LPA: variants seen among roughly 807,000 people sequenced by gnomAD.
The protein encoded by LPA is apolipoprotein(a).
Under a neutral mutation model 197.9 loss-of-function variants are expected in LPA, and 199 were observed. That is an observed-to-expected ratio of 1.01 (90% CI 0.90 to 1.13). LPA has a LOEUF of 1.13. Ranked by LOEUF, LPA falls within the 50% of genes most tolerant of loss-of-function variation. LPA has a pLI of 0.00. For missense variants in LPA, 1,853 were observed against 1,785.8 expected (o/e 1.04, Z -0.68); for synonymous variants, 715 against 639.5 (o/e 1.12, Z -1.78).
At chr6:160,626,454 G>GTA (rs1779652649) in intron 10 of LPA, among the ~76,000 whole-genome samples, 2 of 113,808 alleles carry the variant, frequency 1.8e-5, no homozygotes, top group African/African-American at 8.9e-5. Context: ...TTCAGTTTGT[G>GTA]TGTGTGTGTG....
At chr6:160,657,110 G>T (rs907265186) in intron 1 of LPA, among the ~76,000 whole-genome samples, 3 of 152,180 alleles carry the variant, frequency 2.0e-5, no homozygotes, top group Non-Finnish European at 2.9e-5. Flanking sequence ...GAGTGACTGT[G>T]GTTCCTACTG....
chr6:160,631,829 T>C (rs1779690410), intron 8 of LPA, among the ~76,000 whole-genome samples: 2 of 151,902 alleles, frequency 1.3e-5, no homozygotes, highest in Admixed American at 1.3e-4. Context: ...CCTTGCTCTT[T>C]ACTGTGACTT....
rs1334060301 is a variant in LPA, at chr6:160,540,178, G to A, written c.5600C>T (p.Ser1867Leu). 6.2e-7 allele frequency: 1 copy of A among 1,614,130 alleles called. No homozygotes were observed. Among genetic ancestry groups the A allele is most frequent in the Non-Finnish European group, 8.5e-7 (1 of 1,180,016 alleles). Residue 1867 changes from serine (S) to leucine (L), a missense_variant, in exon 36 of 39, where the codon TCA (serine) becomes TTA (leucine). Around this residue, in one of 3 missense-constraint regions of LPA, gnomAD observed 1,737 missense variants for 1,504.4 expected, o/e 1.15. Coordinates refer to ENST00000316300, the MANE Select transcript of LPA (RefSeq NM_005577.4). ...LTAAHCLKKS[S>L]RPSSYKVILG... Reference sequence around the variant, plus strand: ...GATGACCTTGTAGGATGAAGGCCTTGAGGACCTAGAAAAGATGAGGATGTC... The same window carrying A: ...GATGACCTTGTAGGATGAAGGCCTTAAGGACCTAGAAAAGATGAGGATGTC...
At chr6:160,574,019 G>C (rs1466590601) in intron 28 of LPA, among the ~76,000 whole-genome samples, 1 of 152,124 alleles carries the variant, frequency 6.6e-6, no homozygotes. Context: ...CCATCAGTTG[G>C]GGGTGGGACT....
chr6:160,562,147 G>C (rs1351829173), intron 28 of LPA, among the ~76,000 whole-genome samples: 1 of 152,112 alleles, frequency 6.6e-6, no homozygotes. Context: ...TCTTGTGCTG[G>C]TTTTCAAAGG....
rs1015701758 is a variant in LPA, at chr6:160,531,609, T to C, written c.*120A>G. The C allele has an allele frequency of 2.5e-5, 35 of 1,382,968 alleles. No homozygotes were observed. In the South Asian group the frequency reaches 3.2e-4, roughly 13 times the overall value. The allele number at this position is 1,382,968 out of a possible 1,614,324, so 85.7% of individuals were successfully genotyped here. A position where few individuals can be genotyped will look rare whatever the true frequency, so the allele number is the denominator to read the frequency against. ...ATACCAAAAATGCCAAGGTTTGGCA[T>C]AGCTGGTAGCTGGGAACAGTGTCTT... On this transcript the variant is annotated 3_prime_UTR_variant, in exon 39 of 39. Coordinates refer to ENST00000316300, the MANE Select transcript of LPA (RefSeq NM_005577.4).
intron 30 of LPA, among the ~76,000 whole-genome samples, chr6:160,550,043 A>G (rs1778143296): frequency 6.6e-6 from 1 of 152,210 alleles, no homozygotes; most frequent in Admixed American, 6.5e-5. Flanking sequence ...CAACATGGCA[A>G]AACCCCGTCT....
chr6:160,652,440 C>T (rs1243851224), intron 1 of LPA, among the ~76,000 whole-genome samples: 1 of 152,094 alleles, frequency 6.6e-6, no homozygotes, highest in Non-Finnish European at 1.5e-5. Context: ...TATCTATACT[C>T]AGCAAAATCA....
rs914684324 is a variant in LPA, at chr6:160,603,309, T to A, written c.2945+1737A>T. 3.7e-4 allele frequency among the ~76,000 whole-genome samples: 56 copies of A among 152,052 alleles called. 2 individuals are homozygous for A. The highest frequency in any genetic ancestry group is 2.2e-3 in the Admixed American group (33 of 15,250). ...ATGTGTGAGTATGTGTGTATATGTG[T>A]GTGTCATTTGTGTATGTGTAGCTGG... is the stretch of plus-strand genomic sequence containing the variant. On this transcript the variant is annotated intron_variant, in intron 18 of 38. Coordinates refer to ENST00000316300, the MANE Select transcript of LPA (RefSeq NM_005577.4).
chr6:160,566,797 A>T (rs574217826), intron 28 of LPA, among the ~76,000 whole-genome samples: 2 of 152,346 alleles, frequency 1.3e-5, no homozygotes, highest in Admixed American at 1.3e-4. Context: ...ATGGAGGAAG[A>T]TCTACCAAGC....
In LPA at chr6:160,565,257, C is replaced by T. The variant is rs546397885; in HGVS notation, c.4632-7686G>A. ...GGTCCGTGACCCCCGAGTAGCCTAA[C>T]TGGGGGACACCTCCCAGTAGGGGCC... On this transcript the variant is annotated intron_variant, in intron 28 of 38. Transcript: ENST00000316300. Among the ~76,000 whole-genome samples, 3 of 152,308 alleles carry T rather than the reference C, an allele frequency of 2.0e-5. No homozygotes were observed. In the South Asian group the frequency reaches 6.2e-4, roughly 32 times the overall value.
At chr6:160,650,604 T>G in intron 1 of LPA, 107 bp from the exon 2 acceptor site, 1 of 1,092,520 alleles carries the variant, frequency 9.2e-7, no homozygotes, top group Non-Finnish European at 1.4e-6. Context: ...TTACGACCAT[T>G]CTCTTCTCTT....
At chr6:160,568,087 C>T (rs1778492173) in intron 28 of LPA, among the ~76,000 whole-genome samples, 1 of 152,220 alleles carries the variant, frequency 6.6e-6, no homozygotes, top group East Asian at 1.9e-4. Flanking sequence ...ACCAATTCTT[C>T]TGAAACTATT....
chr6:160,593,109 G>A (rs1042665559), intron 22 of LPA, among the ~76,000 whole-genome samples: 3 of 152,090 alleles, frequency 2.0e-5, no homozygotes, highest in Non-Finnish European at 4.4e-5. Flanking sequence ...AGCCAGCCTA[G>A]AATACGTCAG....
At chr6:160,652,559 A>G (rs1270409342) in intron 1 of LPA, among the ~76,000 whole-genome samples, 2 of 152,188 alleles carry the variant, frequency 1.3e-5, no homozygotes, top group Non-Finnish European at 2.9e-5. Flanking sequence ...TGTTTTTCAC[A>G]GAAAGAATGT....
At chr6:160,534,669 G>C (rs1777858613) in intron 37 of LPA, among the ~76,000 whole-genome samples, 1 of 152,212 alleles carries the variant, frequency 6.6e-6, no homozygotes, top group South Asian at 2.1e-4. Context: ...CATGTAGAAA[G>C]TTGATAAGCA....
rs1375935002 is a variant in LPA, at chr6:160,584,279, TTCTTCTTCTTCTTCC to T, written c.4289+752_4289+766del. Among the ~76,000 whole-genome samples the T allele has an allele frequency of 5.7e-4, 85 of 149,600 alleles. 1 individual carries two copies. Among genetic ancestry groups the T allele is most frequent in the Non-Finnish European group, 9.6e-4 (65 of 67,360 alleles). ...CCTCCTCTTCCTCTTCCTCTTCTTCTTCTTCTTCTTCTTCCTCTTCTTCTTCTTCCTCTTCTTCTT... is the reference window on the plus strand; with the variant it reads ...CCTCCTCTTCCTCTTCCTCTTCTTCTTCTTCTTCTTCTTCCTCTTCTTCTT... On this transcript the variant is annotated intron_variant, in intron 26 of 38. Coordinates refer to ENST00000316300, the MANE Select transcript of LPA (RefSeq NM_005577.4).
chr6:160,582,339 C>T (rs1426303327), intron 26 of LPA, among the ~76,000 whole-genome samples: 1 of 151,420 alleles, frequency 6.6e-6, no homozygotes, highest in Non-Finnish European at 1.5e-5. Flanking sequence ...ACTCTGAAGG[C>T]GTTATTCTGT....
At position 160,586,415 on chromosome 6, in the gene LPA, C is replaced by G. The variant is rs768477904; in HGVS notation, c.4129+34G>C. Reference sequence around the variant, plus strand: ...TTGCAAATCTTTTTATCCCAATGTCCGAGGGTATGGTTGTCTGACTGCAGG... The same window carrying G: ...TTGCAAATCTTTTTATCCCAATGTCGGAGGGTATGGTTGTCTGACTGCAGG... On this transcript the variant is annotated intron_variant, in intron 25 of 38. Coordinates refer to ENST00000316300, the MANE Select transcript of LPA (RefSeq NM_005577.4). 3.7e-6 allele frequency: 6 copies of G among 1,610,356 alleles called. No homozygotes were observed. In the Admixed American group the frequency reaches 1.0e-4, roughly 27 times the overall value.
Sources: allele counts gnomAD v4.1 joint callset (sites outside exome capture counted in the v4.1 genomes callset), GRCh38; gene constraint gnomAD v4.1.1; regional missense constraint gnomAD v4.1.1; transcripts MANE v1.5; gene names NCBI Gene and HGNC (gene_info 2026-07-23, HGNC 2026-07-21).